NPFFR2: variants seen among roughly 807,000 people sequenced by gnomAD.
The protein encoded by NPFFR2 is G-protein coupled receptor 74.
Under a neutral mutation model 13.1 loss-of-function variants are expected in NPFFR2, and 15 were observed. The ratio of observed to expected loss-of-function variants is 1.15; its 90% CI spans 0.77 to 1.76. NPFFR2 has a LOEUF of 1.76. Among genes scored for constraint, NPFFR2 ranks in the 40% most tolerant of loss-of-function variants. The pLI is 0.00. For missense variants in NPFFR2, 572 were observed against 503.5 expected (o/e 1.14, Z -1.30); for synonymous variants, 190 against 175.7 (o/e 1.08, Z -0.65).
At position 72,147,922 on chromosome 4, in the gene NPFFR2, TTA is replaced by T; in HGVS notation, c.*111_*112del. The T allele has an allele frequency of 1.2e-6, 1 of 841,164 alleles. No individual in the cohort carries two copies. Among genetic ancestry groups the T allele is most frequent in the Non-Finnish European group, 1.7e-6 (1 of 581,792 alleles). 52.1% of individuals were successfully genotyped at this position (841,164 alleles called of 1,614,324 possible). Reference sequence around the variant, plus strand: ...TCAAAGAATGTTCTAAATAAAACATTTACTGAAAGCCCTCTCTGGCAAAAAAA... The same window carrying T: ...TCAAAGAATGTTCTAAATAAAACATTCTGAAAGCCCTCTCTGGCAAAAAAA... On this transcript the variant is annotated 3_prime_UTR_variant, in exon 4 of 4. Coordinates refer to ENST00000308744, the MANE Select transcript of NPFFR2 (RefSeq NM_004885.3).
At chr4:72,101,322 C>T (rs559125666) in intron 1 of NPFFR2, among the ~76,000 whole-genome samples, 4 of 151,810 alleles carry the variant, frequency 2.6e-5, no homozygotes, top group South Asian at 2.1e-4. Flanking sequence ...ATAAACATAT[C>T]GATATTGAAT....
chr4:72,092,420 G>T (rs1447123446), intron 1 of NPFFR2, among the ~76,000 whole-genome samples: 1 of 151,984 alleles, frequency 6.6e-6, no homozygotes. Context: ...GACCTGTCTA[G>T]TCCTGTCAGT....
rs796254519 is a variant in NPFFR2, at chr4:72,132,130, GT to G, written c.328+3223del. Among the ~76,000 whole-genome samples, 634 of 134,736 alleles carry G rather than the reference GT, an allele frequency of 4.7e-3. 3 individuals are homozygous for G. Among genetic ancestry groups the G allele is most frequent in the East Asian group, 0.021 (105 of 4,930 alleles). 88.4% of individuals were successfully genotyped at this position (134,736 alleles called of 152,430 possible). On this transcript the variant is annotated intron_variant, in intron 2 of 3. Transcript: ENST00000308744. Reference sequence around the variant, plus strand: ...CAGGTATTAAGCCTAGTACCCATTGGTTTTTTTTTTTTCCTGAGTCTCTTCG... The same window carrying G: ...CAGGTATTAAGCCTAGTACCCATTGGTTTTTTTTTTTCCTGAGTCTCTTCG...
intron 1 of NPFFR2, among the ~76,000 whole-genome samples, chr4:72,061,192 G>A (rs1387027617): frequency 6.6e-6 from 1 of 152,148 alleles, no homozygotes; most frequent in African/African-American, 2.4e-5. Context: ...CTGGAGGCTA[G>A]TGAAACACTT....
intron 1 of NPFFR2, among the ~76,000 whole-genome samples, chr4:72,108,556 A>G (rs1198843599): frequency 6.6e-6 from 1 of 152,094 alleles, no homozygotes; most frequent in African/African-American, 2.4e-5. Context: ...TAAGGCATCT[A>G]ATACCTTAAA....
chr4:72,090,730 G>A (rs1419237941), intron 1 of NPFFR2, among the ~76,000 whole-genome samples: 1 of 152,054 alleles, frequency 6.6e-6, no homozygotes, highest in Non-Finnish European at 1.5e-5. Flanking sequence ...CTTTATGGAT[G>A]AATCTTTACG....
chr4:72,093,561 G>T (rs2109803681), intron 1 of NPFFR2, among the ~76,000 whole-genome samples: 1 of 152,076 alleles, frequency 6.6e-6, no homozygotes. Flanking sequence ...GATGGATTGG[G>T]TTAATTCAAA....
At chr4:72,128,560 T>C in intron 1 of NPFFR2, 25 bp from the exon 2 acceptor site, 1 of 1,439,878 alleles carries the variant, frequency 6.9e-7, no homozygotes, top group Non-Finnish European at 9.5e-7. Context: ...ATTATGTTTT[T>C]CTTTTCTGTC....
At chr4:72,076,059 C>T (rs1720427776) in intron 1 of NPFFR2, among the ~76,000 whole-genome samples, 1 of 148,612 alleles carries the variant, frequency 6.7e-6, no homozygotes, top group South Asian at 2.1e-4. Context: ...GAACAAAGCA[C>T]TTTCTATACT....
intron 3 of NPFFR2, among the ~76,000 whole-genome samples, chr4:72,138,888 A>G (rs1722506060): frequency 6.6e-6 from 1 of 152,150 alleles, no homozygotes; most frequent in African/African-American, 2.4e-5. Context: ...ACAGTGTAAA[A>G]GTGTTCCAAT....
At chr4:72,092,779 T>A (rs1720951787) in intron 1 of NPFFR2, among the ~76,000 whole-genome samples, 1 of 152,154 alleles carries the variant, frequency 6.6e-6, no homozygotes, top group Non-Finnish European at 1.5e-5. Context: ...GGTTGGTGAA[T>A]TCTTATTCAT....
chr4:72,107,266 T>A (rs144063154), intron 1 of NPFFR2, among the ~76,000 whole-genome samples: 1,629 of 151,070 alleles, frequency 0.011, 33 homozygotes, highest in African/African-American at 0.037. Context: ...TACTTTTTTG[T>A]GTATTATAAA....
At chr4:72,117,586 A>G (rs1180502889) in intron 1 of NPFFR2, among the ~76,000 whole-genome samples, 1 of 149,398 alleles carries the variant, frequency 6.7e-6, no homozygotes, top group Non-Finnish European at 1.5e-5. Flanking sequence ...AAGCTGCGAC[A>G]TGGTCTACTT....
intron 1 of NPFFR2, among the ~76,000 whole-genome samples, chr4:72,099,343 T>C (rs1306157032): frequency 6.6e-6 from 1 of 152,184 alleles, no homozygotes; most frequent in Non-Finnish European, 1.5e-5. Context: ...TATTTTACCT[T>C]TTTGGTGACA....
In NPFFR2 at chr4:72,108,401, A is replaced by G. The variant is rs1249896577; in HGVS notation, c.-7-20184A>G. Among the ~76,000 whole-genome samples the G allele has an allele frequency of 2.0e-5, 3 of 151,866 alleles. No homozygotes were observed. In the East Asian group the frequency reaches 5.8e-4, roughly 29 times the overall value. ...CTTCTTTTCATTTCCCCTGGGTGCA[A>G]TCTCCTGGTATTGGGGGAGAAATAG... On this transcript the variant is annotated intron_variant, in intron 1 of 3. Coordinates refer to ENST00000308744, the MANE Select transcript of NPFFR2 (RefSeq NM_004885.3).
At chr4:72,032,260 T>A in intron 1 of NPFFR2, 60 bp downstream of exon 1, 1 of 1,490,346 alleles carries the variant, frequency 6.7e-7, no homozygotes, top group Non-Finnish European at 9.0e-7. Flanking sequence ...CCCTCTCTAA[T>A]GCCCAACGCT....
intron 1 of NPFFR2, among the ~76,000 whole-genome samples, chr4:72,055,113 C>T (rs1199381743): frequency 6.6e-6 from 1 of 151,656 alleles, no homozygotes; most frequent in Non-Finnish European, 1.5e-5. Flanking sequence ...AGAAGAAAAT[C>T]TTAATATCCA....
chr4:72,125,505 C>T (rs1722013158), intron 1 of NPFFR2, among the ~76,000 whole-genome samples: 1 of 152,198 alleles, frequency 6.6e-6, no homozygotes, highest in Non-Finnish European at 1.5e-5. Context: ...TAAAATAGCA[C>T]ACATTTGTTA....
At chr4:72,061,256 A>T (rs1719911239) in intron 1 of NPFFR2, among the ~76,000 whole-genome samples, 2 of 152,190 alleles carry the variant, frequency 1.3e-5, no homozygotes, top group Admixed American at 1.3e-4. Flanking sequence ...AGCAAAGTAG[A>T]GCTTTCTGCC....
Sources: allele counts gnomAD v4.1 joint callset (sites outside exome capture counted in the v4.1 genomes callset), GRCh38; gene constraint gnomAD v4.1.1; transcripts MANE v1.5; gene names NCBI Gene and HGNC (gene_info 2026-07-23, HGNC 2026-07-21).